Variants in SEPSECS observed in about 807,000 individuals in gnomAD.
The protein encoded by SEPSECS is Sep (O-phosphoserine) tRNA:Sec (selenocysteine) tRNA synthase.
Under a neutral mutation model 52.1 loss-of-function variants are expected in SEPSECS, and 42 were observed. That is an observed-to-expected ratio of 0.81 (90% confidence interval 0.63 to 1.04). The LOEUF is 1.04. Among genes scored for constraint, SEPSECS ranks in the 50% least tolerant of loss-of-function variants. The pLI, the probability that SEPSECS is intolerant of heterozygous loss-of-function variation, is 0.00. For missense variants in SEPSECS, 590 were observed against 610.6 expected (o/e 0.97, Z 0.36); for synonymous variants, 216 against 211.4 (o/e 1.02, Z -0.19).
chr4:25,146,025 T>A (rs143758608), intron 6 of SEPSECS, among the ~76,000 whole-genome samples: 1 of 152,306 alleles, frequency 6.6e-6, no homozygotes, highest in Non-Finnish European at 1.5e-5. Context: ...AATTGAATAC[T>A]TACCTACTAG....
intron 1 of SEPSECS, chr4:25,159,767 G>T: frequency 9.3e-7 from 1 of 1,072,346 alleles, no homozygotes; most frequent in Non-Finnish European, 1.2e-6. Context: ...GCGAGACTCT[G>T]TTTCAAAAAA....
Position 25,127,905 on chromosome 4 carries a change from C to G in SEPSECS, c.1027-548G>C, listed in dbSNP as rs539723583. Among the ~76,000 whole-genome samples, 7 of 152,346 alleles carry G rather than the reference C, an allele frequency of 4.6e-5. No individual in the cohort carries two copies. The South Asian group carries it at 1.5e-3, about 32-fold the overall frequency. ...TATCATTTCCCCTAGTCACTACACA[C>G]CAGTCACATTAGCCTCCTTTCCAAT... On this transcript the variant is annotated intron_variant, in intron 8 of 10. Transcript: ENST00000382103.
intron 8 of SEPSECS, among the ~76,000 whole-genome samples, chr4:25,141,495 C>G (rs1202793502): frequency 6.6e-6 from 1 of 152,196 alleles, no homozygotes; most frequent in Non-Finnish European, 1.5e-5. Flanking sequence ...CCCATCATAG[C>G]TAATGGCTGT....
chr4:25,160,483 A>AAAAAC (rs779134137), upstream of SEPSECS: 230 of 830,514 alleles, frequency 2.8e-4, no homozygotes, highest in Middle Eastern at 9.1e-4. Flanking sequence ...CCTTGGGACA[A>AAAAAC]AAAACAAAAC....
intron 8 of SEPSECS, among the ~76,000 whole-genome samples, chr4:25,130,902 A>G (rs780112982): frequency 6.6e-6 from 1 of 152,222 alleles, no homozygotes; most frequent in Non-Finnish European, 1.5e-5. Context: ...CTGTAAAGAA[A>G]GAAATTTATA....
intron 4 of SEPSECS, among the ~76,000 whole-genome samples, 155 bp downstream of exon 4, chr4:25,155,882 A>G (rs1215883760): frequency 6.6e-6 from 1 of 152,260 alleles, no homozygotes; most frequent in Non-Finnish European, 1.5e-5. Context: ...AAGTAATACA[A>G]ACATTAAATT....
chr4:25,130,237 T>C (rs1174737321), intron 8 of SEPSECS, among the ~76,000 whole-genome samples: 1 of 152,218 alleles, frequency 6.6e-6, no homozygotes, highest in East Asian at 1.9e-4. Context: ...GTGGTCACAT[T>C]TGTGAATAAG....
chr4:25,133,396 A>C (rs1728690290), intron 8 of SEPSECS, among the ~76,000 whole-genome samples: 1 of 152,226 alleles, frequency 6.6e-6, no homozygotes, highest in Admixed American at 6.5e-5. Flanking sequence ...GTGATAATAA[A>C]GAACAAAGTC....
intron 4 of SEPSECS, 171 bp from the exon 5 acceptor site, chr4:25,155,322 G>T: frequency 1.4e-6 from 1 of 693,208 alleles, no homozygotes; most frequent in Non-Finnish European, 2.4e-6. Flanking sequence ...GTCAAAGGCA[G>T]GTCAAAATAA....
At chr4:25,160,558 G>C (rs1025658127), upstream of SEPSECS, 2 of 515,852 alleles carry the variant, frequency 3.9e-6, no homozygotes, top group Non-Finnish European at 6.8e-6. Context: ...CTCAGATGGC[G>C]CTCCAGGAGG....
chr4:25,140,573 T>C (rs1257887875), intron 8 of SEPSECS, among the ~76,000 whole-genome samples: 5 of 152,222 alleles, frequency 3.3e-5, no homozygotes, highest in Non-Finnish European at 7.3e-5. Flanking sequence ...CAATACCTCA[T>C]AAGAATATTT....
In SEPSECS at chr4:25,121,987, T is replaced by A. The variant is rs1379656361; in HGVS notation, c.*1944A>T. The A allele has an allele frequency of 6.6e-6, 1 of 152,182 alleles. No homozygotes were observed. The highest frequency in any genetic ancestry group is 2.4e-5 in the African/African-American group (1 of 41,468). 9.4% of individuals were successfully genotyped at this position (152,182 alleles called of 1,614,324 possible). A position where few individuals can be genotyped will look rare whatever the true frequency, so the allele number is the denominator to read the frequency against. On this transcript the variant is annotated 3_prime_UTR_variant, in exon 11 of 11. Coordinates refer to ENST00000382103, the MANE Select transcript of SEPSECS (RefSeq NM_016955.4). ...GGCTTACATGTATAGCAAGCTGCACTGCCAGCATTTACATTTGCAACAACA... is the reference window on the plus strand; with the variant it reads ...GGCTTACATGTATAGCAAGCTGCACAGCCAGCATTTACATTTGCAACAACA...
At chr4:25,130,583 C>T (rs1375720078) in intron 8 of SEPSECS, among the ~76,000 whole-genome samples, 1 of 152,126 alleles carries the variant, frequency 6.6e-6, no homozygotes, top group East Asian at 1.9e-4. Context: ...AGCAAGTTCA[C>T]ATCCATCAAC....
rs2109474391 is a variant in SEPSECS at position 25,122,312 on chromosome 4, T to TGTCAGGC, written c.*1618_*1619insGCCTGAC. 2.0e-5 allele frequency: 3 copies of TGTCAGGC among 152,252 alleles called. No individual in the cohort carries two copies. The highest frequency in any genetic ancestry group is 7.2e-5 in the African/African-American group (3 of 41,574). 9.4% of individuals were successfully genotyped at this position (152,252 alleles called of 1,614,324 possible). On this transcript the variant is annotated 3_prime_UTR_variant, in exon 11 of 11. Coordinates refer to ENST00000382103, the MANE Select transcript of SEPSECS (RefSeq NM_016955.4). The stretch of plus-strand genomic sequence containing the variant: ...TACCTTACACATGTCTGACCTCATG[T>TGTCAGGC]TTACAAACAGTCTGGGACAATGTAC...
chr4:25,136,808 C>A (rs1367761819), intron 8 of SEPSECS, among the ~76,000 whole-genome samples: 1 of 152,166 alleles, frequency 6.6e-6, no homozygotes, highest in Non-Finnish European at 1.5e-5. Flanking sequence ...TACCCAACTT[C>A]AAACTATACT....
rs2302566 is a variant in SEPSECS at position 25,124,081 on chromosome 4, C to G, written c.1356G>C (p.Lys452Asn). The G allele has an allele frequency of 0.054, 87,227 of 1,613,602 alleles. 2,992 individuals carry two copies. Among genetic ancestry groups the G allele is most frequent in the African/African-American group, 0.14 (10,585 of 74,928 alleles). ...CTGCCTTTAAACACCTGTCAAGTCT[C>G]TTTATGAACAGGTCCACATCCTGCA... ...MKMQDVDLFI[K>N]RLDRCLKAVR... The change falls in exon 11 of 11, where the codon AAG (lysine) becomes AAC (asparagine). Residue 452 changes from lysine (K) to asparagine (N), a missense_variant. Coordinates refer to ENST00000382103, the MANE Select transcript of SEPSECS (RefSeq NM_016955.4).
intron 8 of SEPSECS, among the ~76,000 whole-genome samples, chr4:25,137,717 A>G (rs1728898797): frequency 6.6e-6 from 1 of 152,206 alleles, no homozygotes; most frequent in African/African-American, 2.4e-5. Context: ...ATTACTGGAT[A>G]TATATCCAAA....
At chr4:25,155,639 C>T (rs368842252) in intron 4 of SEPSECS, among the ~76,000 whole-genome samples, 1 of 152,132 alleles carries the variant, frequency 6.6e-6, no homozygotes, top group South Asian at 2.1e-4. Context: ...TAATGTTTTA[C>T]CTCTAAAGAA....
At chr4:25,159,157 T>C (rs1305911448) in intron 1 of SEPSECS, 50 bp from the exon 2 acceptor site, 1 of 1,398,682 alleles carries the variant, frequency 7.1e-7, no homozygotes, top group African/African-American at 1.5e-5. Flanking sequence ...ACTACCGTTC[T>C]CTAGAATACT....
Sources: allele counts gnomAD v4.1 joint callset (sites outside exome capture counted in the v4.1 genomes callset), GRCh38; gene constraint gnomAD v4.1.1; transcripts MANE v1.5; gene names NCBI Gene and HGNC (gene_info 2026-07-23, HGNC 2026-07-21).